Variants in INTS4 observed in about 807,000 individuals in gnomAD.
The protein encoded by INTS4 is integrator complex subunit 4.
In INTS4, 70 loss-of-function variants were observed where a neutral mutation model predicts 119.5. The ratio of observed to expected loss-of-function variants is 0.59; its 90% CI spans 0.48 to 0.71. The LOEUF (loss-of-function observed/expected upper bound fraction) is 0.71, where lower values mean the gene tolerates loss of function less well. Among genes scored for constraint, INTS4 ranks in the 30% least tolerant of loss-of-function variants. The pLI, the probability that INTS4 is intolerant of heterozygous loss-of-function variation, is 0.00. For missense variants in INTS4, 867 were observed against 1,173.2 expected, an observed-to-expected ratio of 0.74 and a Z score of 3.81; for synonymous variants, 316 against 419.6, an observed-to-expected ratio of 0.75 and a Z score of 3.02.
At chr11:77,895,538 A>G (rs1443254879) in intron 18 of INTS4, among the ~76,000 whole-genome samples, 1 of 139,802 alleles carries the variant, frequency 7.2e-6, no homozygotes, top group Admixed American at 7.1e-5. Context: ...AAAAAAAAAA[A>G]AAAAAAAAAA....
At chr11:77,888,388 T>G (rs948425647) in intron 21 of INTS4, among the ~76,000 whole-genome samples, 5 of 152,248 alleles carry the variant, frequency 3.3e-5, no homozygotes, top group African/African-American at 1.2e-4. Flanking sequence ...AAGCTGAAAC[T>G]GGATCCCTTC....
intron 8 of INTS4, among the ~76,000 whole-genome samples, chr11:77,950,095 T>C (rs1446286035): frequency 6.6e-6 from 1 of 152,122 alleles, no homozygotes; most frequent in Non-Finnish European, 1.5e-5. Flanking sequence ...GAAACCATCA[T>C]TCTCAGCAAA....
intron 1 of INTS4, among the ~76,000 whole-genome samples, chr11:77,993,058 A>T (rs960904718): frequency 1.5e-4 from 23 of 152,150 alleles, no homozygotes; most frequent in African/African-American, 4.8e-4. Flanking sequence ...AAAGCTAGGA[A>T]TTTTTTCCCT....
At chr11:77,946,981 G>A (rs563241281) in intron 8 of INTS4, among the ~76,000 whole-genome samples, 2 of 150,354 alleles carry the variant, frequency 1.3e-5, no homozygotes, top group East Asian at 3.9e-4. Context: ...CAGAAATCTT[G>A]GAACTGAAGA....
chr11:77,992,491 A>T (rs1196568726), intron 1 of INTS4, among the ~76,000 whole-genome samples: 8 of 152,192 alleles, frequency 5.3e-5, no homozygotes, highest in African/African-American at 1.9e-4. Flanking sequence ...CCTTGAGCCC[A>T]GGAGTTCGAG....
At chr11:77,924,502 G>T (rs1953446985) in intron 12 of INTS4, 2 of 433,820 alleles carry the variant, frequency 4.6e-6, no homozygotes, top group East Asian at 7.9e-5. Context: ...TTGGTGCATA[G>T]TCAGCACACA....
At chr11:77,895,810 T>TG (rs1952493032) in intron 18 of INTS4, among the ~76,000 whole-genome samples, 1 of 152,064 alleles carries the variant, frequency 6.6e-6, no homozygotes, top group Non-Finnish European at 1.5e-5. Flanking sequence ...TCCCCAAACG[T>TG]CAAAAAAGAG....
intron 13 of INTS4, among the ~76,000 whole-genome samples, chr11:77,921,952 A>T (rs1309501713): frequency 6.6e-6 from 1 of 152,180 alleles, no homozygotes; most frequent in Non-Finnish European, 1.5e-5. Flanking sequence ...AATCATTTGA[A>T]TCCGGGAGGC....
intron 16 of INTS4, among the ~76,000 whole-genome samples, chr11:77,904,006 T>C (rs1301901502): frequency 6.6e-6 from 1 of 152,238 alleles, no homozygotes; most frequent in Non-Finnish European, 1.5e-5. Flanking sequence ...TAACTGTGGT[T>C]CTTTTTTCTT....
At chr11:77,936,227 G>GA (rs142509723) in intron 10 of INTS4, among the ~76,000 whole-genome samples, 2 of 151,938 alleles carry the variant, frequency 1.3e-5, no homozygotes, top group East Asian at 1.9e-4. Flanking sequence ...AATACTGGAG[G>GA]AAAAAAATCA....
intron 2 of INTS4, among the ~76,000 whole-genome samples, chr11:77,984,137 G>A (rs1161240935): frequency 4.6e-5 from 7 of 152,084 alleles, no homozygotes; most frequent in African/African-American, 1.7e-4. Context: ...GGCACAAAAA[G>A]ACAAATACTT....
chr11:77,933,004 C>A (rs1272656846), intron 10 of INTS4, among the ~76,000 whole-genome samples: 1 of 151,486 alleles, frequency 6.6e-6, no homozygotes, highest in African/African-American at 2.4e-5. Context: ...AAATACCTAA[C>A]GTAGATGATG....
At chr11:77,980,664 C>T (rs1856169111) in intron 3 of INTS4, among the ~76,000 whole-genome samples, 1 of 152,192 alleles carries the variant, frequency 6.6e-6, no homozygotes, top group Non-Finnish European at 1.5e-5. Context: ...CAGGCCTAGC[C>T]TAACCTGTGC....
At chr11:77,986,399 T>G (rs906710913) in intron 2 of INTS4, among the ~76,000 whole-genome samples, 2 of 152,136 alleles carry the variant, frequency 1.3e-5, no homozygotes. Context: ...GGAGTGTAAA[T>G]TAGTTCAACC....
intron 5 of INTS4, 140 bp downstream of exon 5, chr11:77,960,813 T>G: frequency 2.9e-6 from 2 of 699,378 alleles, no homozygotes; most frequent in Non-Finnish European, 4.6e-6. Context: ...TGTGTGTCAC[T>G]GAGTTCTGCG....
chr11:77,988,093 G>A (rs1856526220), intron 2 of INTS4, among the ~76,000 whole-genome samples: 2 of 152,108 alleles, frequency 1.3e-5, no homozygotes, highest in Admixed American at 1.3e-4. Context: ...AAAAAAGAAA[G>A]CCTGATTTTA....
At chr11:77,953,713 A>C (rs922438037) in intron 8 of INTS4, among the ~76,000 whole-genome samples, 3 of 152,070 alleles carry the variant, frequency 2.0e-5, no homozygotes, top group African/African-American at 7.3e-5. Flanking sequence ...CCTCCAGAAT[A>C]GCTGGGACTA....
At chr11:77,935,250 G>A (rs1953758975) in intron 10 of INTS4, among the ~76,000 whole-genome samples, 1 of 152,158 alleles carries the variant, frequency 6.6e-6, no homozygotes, top group Non-Finnish European at 1.5e-5. Context: ...TGGCAATAAA[G>A]GACTGCAATC....
At chr11:77,898,292 A>C (rs1952619402) in intron 18 of INTS4, among the ~76,000 whole-genome samples, 1 of 152,182 alleles carries the variant, frequency 6.6e-6, no homozygotes, top group Non-Finnish European at 1.5e-5. Flanking sequence ...CCTCCCGAGT[A>C]GCTGGGATTA....
Sources: gnomAD v4.1 joint callset for allele counts (sites outside exome capture counted in the v4.1 genomes callset) on GRCh38, gnomAD v4.1.1 for gene constraint, MANE v1.5 for transcripts, NCBI Gene and HGNC (gene_info 2026-07-23, HGNC 2026-07-21) for gene names.